The following ZC3H12B variants were observed in gnomAD, a reference collection of about 807,000 sequenced individuals.
The protein encoded by ZC3H12B is probable ribonuclease ZC3H12B.
A neutral mutation model predicts 43.9 loss-of-function variants in ZC3H12B; 7 were observed. That is an observed-to-expected ratio of 0.16 (90% CI 0.09 to 0.30). The LOEUF (loss-of-function observed/expected upper bound fraction) is 0.30, where lower values mean the gene tolerates loss of function less well. ZC3H12B is among the 10% of genes least tolerant of loss of function. The pLI, the probability that ZC3H12B is intolerant of heterozygous loss-of-function variation, is 1.00. For synonymous variants in ZC3H12B, 222 were observed against 241.7 expected, an observed-to-expected ratio of 0.92 and a Z score of 0.76; for missense variants, 475 against 670.2, an observed-to-expected ratio of 0.71 and a Z score of 3.22.
the ZC3H12B span, among the ~76,000 whole-genome samples, chrX:65,071,008 T>C: frequency 3.7e-5 from 4 of 107,588 alleles, no homozygotes; most frequent in Non-Finnish European, 7.7e-5. Context: ...TTTTTTGTTA[T>C]TTTTTTTAAC....
the ZC3H12B span, among the ~76,000 whole-genome samples, chrX:65,162,377 C>T: frequency 2.3e-4 from 26 of 112,042 alleles, no homozygotes; most frequent in East Asian, 5.1e-3. Context: ...AACTTCGTTC[C>T]GTTCTCCCCA....
the ZC3H12B span, among the ~76,000 whole-genome samples, chrX:65,346,717 G>A: frequency 2.7e-5 from 3 of 112,174 alleles, no homozygotes; most frequent in African/African-American, 9.7e-5. Context: ...TTTCTCCACT[G>A]CAGCTCAGCA....
At chrX:65,437,881 G>A (rs2067240452) in intron 3 of ZC3H12B, among the ~76,000 whole-genome samples, 1 of 112,249 alleles carries the variant, frequency 8.9e-6, no homozygotes, top group Non-Finnish European at 1.9e-5. Flanking sequence ...ATAGTTTGAG[G>A]TCTTATATTT....
chrX:65,168,823 T>C, the ZC3H12B span, among the ~76,000 whole-genome samples: 1 of 111,697 alleles, frequency 9.0e-6, no homozygotes, highest in African/African-American at 3.2e-5. Context: ...CTAGTTTGTT[T>C]TGTAGAGGTG....
At chrX:65,155,097 A>C in the ZC3H12B span, among the ~76,000 whole-genome samples, 1 of 109,516 alleles carries the variant, frequency 9.1e-6, no homozygotes, top group Admixed American at 9.8e-5. Context: ...CTGGGACTAC[A>C]GACATGCAAC....
chrX:65,320,824 C>A, the ZC3H12B span, among the ~76,000 whole-genome samples: 6 of 111,988 alleles, frequency 5.4e-5, no homozygotes, highest in African/African-American at 1.6e-4. Flanking sequence ...ATAAATGGTG[C>A]TGGGATAACT....
the ZC3H12B span, among the ~76,000 whole-genome samples, chrX:65,202,910 A>G: frequency 9.0e-6 from 1 of 111,301 alleles, no homozygotes; most frequent in African/African-American, 3.3e-5. Context: ...AACCTTAGGA[A>G]TCTACCTGGT....
chrX:65,432,567 C>G (rs1479998827), intron 3 of ZC3H12B, among the ~76,000 whole-genome samples: 2 of 111,526 alleles, frequency 1.8e-5, no homozygotes, highest in African/African-American at 6.5e-5. Flanking sequence ...GTTCTGGGCC[C>G]CACTCAGAAC....
chrX:65,450,891 A>G (rs1290609058), intron 3 of ZC3H12B, among the ~76,000 whole-genome samples: 1 of 93,848 alleles, frequency 1.1e-5, no homozygotes, highest in East Asian at 3.3e-4. Flanking sequence ...ATGTGTATAT[A>G]TGTATATATA....
the ZC3H12B span, among the ~76,000 whole-genome samples, chrX:65,157,142 G>T: frequency 3.6e-5 from 4 of 110,364 alleles, no homozygotes; most frequent in African/African-American, 1.3e-4. Flanking sequence ...CAACACACCT[G>T]GCTGATTTTT....
intron 3 of ZC3H12B, among the ~76,000 whole-genome samples, chrX:65,444,545 A>G (rs2067350052): frequency 8.9e-6 from 1 of 112,519 alleles, no homozygotes; most frequent in Non-Finnish European, 1.9e-5. Context: ...TGGAACTGTA[A>G]GTCCATTAAA....
intron 2 of ZC3H12B, among the ~76,000 whole-genome samples, chrX:65,375,722 C>T (rs777241015): frequency 8.1e-5 from 9 of 111,088 alleles, no homozygotes; most frequent in African/African-American, 2.0e-4. Context: ...TTGAAGGAAA[C>T]GACCCAATCC....
At chrX:65,307,171 A>G in the ZC3H12B span, among the ~76,000 whole-genome samples, 1 of 112,425 alleles carries the variant, frequency 8.9e-6, no homozygotes, top group Non-Finnish European at 1.9e-5. Context: ...ATGTACTTAT[A>G]TCTTAGTAAA....
At chrX:65,449,046 GGAAAGAAAGAAAGAAGGAAGGAAA>G (rs2067431871) in intron 3 of ZC3H12B, among the ~76,000 whole-genome samples, 1 of 91,143 alleles carries the variant, frequency 1.1e-5, no homozygotes, top group African/African-American at 4.2e-5. Context: ...AAAGAAGGAA[GGAAAGAAAGAAAGAAGGAAGGAAA>G]GAAAGAAAGA....
the ZC3H12B span, among the ~76,000 whole-genome samples, chrX:65,207,251 T>TACAC: frequency 0.011 from 1,089 of 101,020 alleles, 12 homozygotes; most frequent in African/African-American, 0.038. Flanking sequence ...TGTGTATATA[T>TACAC]ACACACACAC....
the ZC3H12B span, among the ~76,000 whole-genome samples, chrX:65,241,771 G>A: frequency 8.9e-6 from 1 of 111,805 alleles, no homozygotes; most frequent in South Asian, 3.7e-4. Flanking sequence ...CCAATCTAGT[G>A]GTTCTTAACT....
At chrX:65,149,028 G>T in the ZC3H12B span, among the ~76,000 whole-genome samples, 1 of 111,370 alleles carries the variant, frequency 9.0e-6, no homozygotes, top group African/African-American at 3.3e-5. Context: ...AGTTGTTTGG[G>T]TTTAAACTGT....
the ZC3H12B span, among the ~76,000 whole-genome samples, chrX:65,354,023 G>A: frequency 9.0e-5 from 10 of 111,508 alleles, no homozygotes; most frequent in Non-Finnish European, 1.5e-4. Flanking sequence ...GGGAAGGGGC[G>A]GTTGTGGGCG....
chrX:65,507,436 C>G (rs2068436949), exon 5 of ZC3H12B: 1 of 112,323 alleles, frequency 8.9e-6, no homozygotes, highest in Non-Finnish European at 1.9e-5. Flanking sequence ...CTAAAATAGT[C>G]AATGCCTTTG....
Sources: gnomAD v4.1 joint callset for allele counts (sites outside exome capture counted in the v4.1 genomes callset) on GRCh38, gnomAD v4.1.1 for gene constraint, MANE v1.5 for transcripts, NCBI Gene and HGNC (gene_info 2026-07-23, HGNC 2026-07-21) for gene names.